The following PPM1H variants were observed in gnomAD, a reference collection of about 807,000 sequenced individuals.
PPM1H encodes the protein protein phosphatase, Mg2+/Mn2+ dependent 1H.
PPM1H carries 27 observed loss-of-function variants against 54.9 expected under a neutral mutation model. The observed-to-expected ratio is 0.49, with a 90% CI of 0.36 to 0.68. The LOEUF (loss-of-function observed/expected upper bound fraction) is 0.68, where lower values mean the gene tolerates loss of function less well. PPM1H is among the 30% of genes least tolerant of loss of function. The pLI, the probability that PPM1H is intolerant of heterozygous loss-of-function variation, is 0.00. For synonymous variants in PPM1H, 305 were observed against 270.8 expected (o/e 1.13, Z -1.24); for missense variants, 596 against 667.8 (o/e 0.89, Z 1.19).
At chr12:62,762,569 G>C (rs1263889213) in intron 4 of PPM1H, among the ~76,000 whole-genome samples, 1 of 152,214 alleles carries the variant, frequency 6.6e-6, no homozygotes, top group Non-Finnish European at 1.5e-5. Context: ...CAAGAAATGA[G>C]GGTTGCCATG....
chr12:62,648,599 G>A lies in PPM1H; in HGVS notation c.1435C>T (p.Arg479Trp), dbSNP rs1267726319. ...LAAQDLVMRA[R>W]GVLKDRGWRI... ...CATCCTCTGTCCTTCAGCACACCCC[G>A]GGCACGCATCACCAGGTCCTGAGCT... Residue 479 changes from arginine to tryptophan, a missense_variant, in exon 10 of 10, where the codon CGG becomes TGG. Arg to Trp is a moderately radical substitution (Grantham distance 101). Coordinates refer to ENST00000228705, the MANE Select transcript of PPM1H (RefSeq NM_020700.2). The A allele has an allele frequency of 6.8e-6, 11 of 1,613,794 alleles. No homozygotes were observed. The highest frequency in any genetic ancestry group is 1.3e-5 in the African/African-American group (1 of 74,892).
intron 4 of PPM1H, among the ~76,000 whole-genome samples, chr12:62,769,234 T>C (rs1289372220): frequency 2.0e-5 from 3 of 152,202 alleles, no homozygotes; most frequent in Non-Finnish European, 2.9e-5. Flanking sequence ...CCACTAGCCC[T>C]AAGAAGCTCT....
At chr12:62,777,739 C>G (rs1164417185) in intron 4 of PPM1H, among the ~76,000 whole-genome samples, 9 of 152,162 alleles carry the variant, frequency 5.9e-5, no homozygotes, top group Non-Finnish European at 1.5e-5. Flanking sequence ...ATTTAAAAAT[C>G]TTTACAACAT....
chr12:62,852,601 T>C (rs142861274), intron 1 of PPM1H, among the ~76,000 whole-genome samples: 14 of 152,356 alleles, frequency 9.2e-5, no homozygotes, highest in African/African-American at 3.4e-4. Flanking sequence ...TGGAAAATAA[T>C]CATTCTGCAA....
intron 1 of PPM1H, among the ~76,000 whole-genome samples, chr12:62,898,584 T>G (rs1431305717): frequency 2.0e-5 from 3 of 152,236 alleles, no homozygotes; most frequent in Non-Finnish European, 2.9e-5. Flanking sequence ...TCCTCTTTGT[T>G]GTCACGTGTT....
chr12:62,731,286 A>G (rs950594282), intron 5 of PPM1H, among the ~76,000 whole-genome samples: 7 of 152,134 alleles, frequency 4.6e-5, no homozygotes, highest in Non-Finnish European at 1.0e-4. Flanking sequence ...TGACTCAGAC[A>G]TTCTCCCAGG....
chr12:62,928,494 G>A (rs969662233), intron 1 of PPM1H, among the ~76,000 whole-genome samples: 1 of 152,176 alleles, frequency 6.6e-6, no homozygotes, highest in Non-Finnish European at 1.5e-5. Context: ...AGATAAGTCA[G>A]AATGAAAATC....
intron 6 of PPM1H, 137 bp downstream of exon 6, chr12:62,720,034 A>AC: frequency 1.5e-6 from 1 of 689,132 alleles, no homozygotes; most frequent in Non-Finnish European, 2.5e-6. Flanking sequence ...AGGCAGGTGT[A>AC]CCCCCTTGTC....
chr12:62,717,519 G>A (rs1386885987), intron 6 of PPM1H, among the ~76,000 whole-genome samples: 1 of 152,030 alleles, frequency 6.6e-6, no homozygotes, highest in Non-Finnish European at 1.5e-5. Flanking sequence ...AAGTGTGCAC[G>A]CAAGAGTGAA....
At chr12:62,700,866 G>T (rs935024667) in intron 6 of PPM1H, among the ~76,000 whole-genome samples, 1 of 152,116 alleles carries the variant, frequency 6.6e-6, no homozygotes, top group African/African-American at 2.4e-5. Flanking sequence ...GTAACCAGAT[G>T]GTCTTCTTTA....
intron 3 of PPM1H, among the ~76,000 whole-genome samples, chr12:62,796,069 A>C (rs1235732513): frequency 6.6e-6 from 1 of 152,188 alleles, no homozygotes; most frequent in Non-Finnish European, 1.5e-5. Context: ...TGTCTAAAAG[A>C]ATACTGATTT....
intron 1 of PPM1H, among the ~76,000 whole-genome samples, chr12:62,920,639 A>G (rs1382407711): frequency 1.3e-5 from 2 of 151,236 alleles, no homozygotes; most frequent in Non-Finnish European, 2.9e-5. Flanking sequence ...AAAAAAAAAG[A>G]AAGAAAAAAT....
At chr12:62,900,990 T>C (rs896321000) in intron 1 of PPM1H, among the ~76,000 whole-genome samples, 3 of 151,720 alleles carry the variant, frequency 2.0e-5, no homozygotes, top group Non-Finnish European at 2.9e-5. Flanking sequence ...CTCTCTGGTC[T>C]TTCCCCCTTA....
At chr12:62,928,624 C>T (rs1872043723) in intron 1 of PPM1H, among the ~76,000 whole-genome samples, 1 of 152,212 alleles carries the variant, frequency 6.6e-6, no homozygotes, top group Non-Finnish European at 1.5e-5. Context: ...TAAGTCACAA[C>T]GTTGGCGCCA....
rs564899700 is a variant in PPM1H at position 62,842,812 on chromosome 12, A to T, written c.246-10533T>A. Among the ~76,000 whole-genome samples, 21 of 152,336 alleles carry T rather than the reference A, an allele frequency of 1.4e-4. No homozygotes were observed. In the South Asian group the frequency reaches 4.4e-3, roughly 32 times the overall value. ...GGTAGACAGGTTTTTTCTCTGCTAG[A>T]AATTGGAGACGCAGTCTCATACAGC... On this transcript the variant is annotated intron_variant, in intron 1 of 9. Coordinates refer to ENST00000228705, the MANE Select transcript of PPM1H (RefSeq NM_020700.2).
chr12:62,893,834 G>A (rs1449750631), intron 1 of PPM1H, among the ~76,000 whole-genome samples: 1 of 152,108 alleles, frequency 6.6e-6, no homozygotes, highest in Non-Finnish European at 1.5e-5. Context: ...TCCAAATATA[G>A]TCACATTCTG....
intron 1 of PPM1H, among the ~76,000 whole-genome samples, chr12:62,857,437 T>C (rs1869430705): frequency 6.6e-6 from 1 of 152,214 alleles, no homozygotes; most frequent in Non-Finnish European, 1.5e-5. Context: ...TTGTAGTTGT[T>C]ACCCAACTAA....
rs1192477290 is a variant in PPM1H, at chr12:62,647,286, T to G, written c.*1203A>C. ...GGGAGCACAGCATGAGAATGGCCAG[T>G]CAACCCATTTCAAATTCTTTTATTA... On this transcript the variant is annotated 3_prime_UTR_variant, in exon 10 of 10. Coordinates refer to ENST00000228705, the MANE Select transcript of PPM1H (RefSeq NM_020700.2). 6.6e-6 allele frequency: 1 copy of G among 152,204 alleles called. No individual in the cohort carries two copies. The highest frequency in any genetic ancestry group is 1.5e-5 in the Non-Finnish European group (1 of 68,050). 9.4% of individuals were successfully genotyped at this position (152,204 alleles called of 1,614,324 possible). A position where few individuals can be genotyped will look rare whatever the true frequency, so the allele number is the denominator to read the frequency against.
chr12:62,726,676 G>A (rs760431172), intron 5 of PPM1H, among the ~76,000 whole-genome samples: 2 of 152,164 alleles, frequency 1.3e-5, no homozygotes, highest in African/African-American at 2.4e-5. Context: ...GTCCGCAAAC[G>A]CAGAGTGGCC....
Sources: gnomAD v4.1 joint callset for allele counts (sites outside exome capture counted in the v4.1 genomes callset) on GRCh38, gnomAD v4.1.1 for gene constraint, MANE v1.5 for transcripts, NCBI Gene and HGNC (gene_info 2026-07-23, HGNC 2026-07-21) for gene names.